Variants in STOX1 observed in about 807,000 individuals in gnomAD.
STOX1 encodes the protein storkhead-box protein 1.
Under a neutral mutation model 74.8 loss-of-function variants are expected in STOX1, and 57 were observed. The ratio of observed to expected loss-of-function variants is 0.76; its 90% CI spans 0.62 to 0.95. The LOEUF (loss-of-function observed/expected upper bound fraction) is 0.95, where lower values mean the gene tolerates loss of function less well. STOX1 is among the 40% of genes least tolerant of loss of function. The pLI is 0.00. For missense variants in STOX1, 1,010 were observed against 1,117.0 expected (o/e 0.90, Z 1.37); for synonymous variants, 375 against 401.3 (o/e 0.93, Z 0.78).
intron 1 of STOX1, among the ~76,000 whole-genome samples, chr10:68,846,119 T>TTTTTTTTTATTATTATTA (rs1167242930): frequency 1.5e-5 from 2 of 135,848 alleles, no homozygotes; most frequent in Non-Finnish European, 3.2e-5. Flanking sequence ...GCTTGAGGTT[T>TTTTTTTTTATTATTATTA]TTATTATTAT....
intron 1 of STOX1, among the ~76,000 whole-genome samples, chr10:68,856,966 ATCC>A: frequency 6.6e-6 from 1 of 152,168 alleles, no homozygotes; most frequent in Non-Finnish European, 1.5e-5. Context: ...TATTGCTCCA[ATCC>A]TCCTAACCAA....
At chr10:68,873,091 C>G (rs4745967) in intron 1 of STOX1, among the ~76,000 whole-genome samples, 99,531 of 151,568 alleles carry the variant, frequency 0.66, 33,046 homozygotes, top group East Asian at 0.9. Context: ...ATCACTGCAG[C>G]CTTGAACTCC....
At chr10:68,838,026 A>G (rs949299307) in intron 1 of STOX1, among the ~76,000 whole-genome samples, 2 of 148,880 alleles carry the variant, frequency 1.3e-5, no homozygotes, top group African/African-American at 2.5e-5. Flanking sequence ...CCTTTTGGTG[A>G]TGTTGTCAAT....
intron 1 of STOX1, among the ~76,000 whole-genome samples, chr10:68,842,716 T>C (rs1410784350): frequency 7.0e-6 from 1 of 142,702 alleles, no homozygotes; most frequent in South Asian, 2.4e-4. Flanking sequence ...ATTTTTTGTA[T>C]TTTTAGTAGA....
In STOX1 at chr10:68,892,666, A is replaced by C. The variant is rs1841125455; in HGVS notation, c.2900A>C (p.Glu967Ala). Residue 967 changes from glutamate to alanine, a missense_variant, in exon 4 of 4, where the codon GAA becomes GCA. Transcript: ENST00000298596. Reference sequence around the variant, plus strand: ...AGACAGAATTTTCTGCAAAATGTCGAAGGCACAAAGAGCAGTCAACCACTC... The same window carrying C: ...AGACAGAATTTTCTGCAAAATGTCGCAGGCACAAAGAGCAGTCAACCACTC... The part of the protein sequence containing the change: ...KRRQNFLQNV[E>A]GTKSSQPLTS... The C allele has an allele frequency of 1.2e-6, 2 of 1,613,812 alleles. No individual in the cohort carries two copies. Among genetic ancestry groups the C allele is most frequent in the African/African-American group, 2.7e-5 (2 of 74,926 alleles).
chr10:68,828,932 A>C, intron 1 of STOX1: 1 of 984,680 alleles, frequency 1.0e-6, no homozygotes, highest in Non-Finnish European at 1.2e-6. Flanking sequence ...ATAGCTTCTC[A>C]TTTGAGAAAC....
chr10:68,864,819 T>C (rs906256273), intron 1 of STOX1, among the ~76,000 whole-genome samples: 3 of 152,364 alleles, frequency 2.0e-5, no homozygotes, highest in African/African-American at 7.2e-5. Flanking sequence ...GGATCTCCTC[T>C]AAGGATAGAA....
Position 68,853,047 on chromosome 10 carries a change from C to T in STOX1, c.310+25114C>T, listed in dbSNP as rs1397370978. On this transcript the variant is annotated intron_variant, in intron 1 of 3. Coordinates refer to ENST00000298596, the MANE Select transcript of STOX1 (RefSeq NM_152709.5). Reference sequence around the variant, plus strand: ...AAGCGATTCTCCTGCCTCAGCCTCCCGAGTAGCTGGGATTACAGGCATGCG... The same window carrying T: ...AAGCGATTCTCCTGCCTCAGCCTCCTGAGTAGCTGGGATTACAGGCATGCG... 5.9e-5 allele frequency among the ~76,000 whole-genome samples: 9 copies of T among 151,464 alleles called. No homozygotes were observed. In the East Asian group the frequency reaches 1.4e-3, roughly 23 times the overall value.
intron 3 of STOX1, among the ~76,000 whole-genome samples, chr10:68,889,915 G>A (rs776301842): frequency 3.4e-5 from 5 of 148,746 alleles, no homozygotes; most frequent in Non-Finnish European, 7.4e-5. Flanking sequence ...GACTACATGC[G>A]TGAGCCACCA....
Position 68,884,955 on chromosome 10 carries a change from C to T in STOX1, c.1159C>T (p.Gln387Ter). The T allele has an allele frequency of 1.2e-6, 2 of 1,614,036 alleles. No individual in the cohort carries two copies. Among genetic ancestry groups the T allele is most frequent in the Admixed American group, 1.7e-5 (1 of 59,972 alleles). ...TGTCCTAATGCAAAAATACGAAGAA[C>T]AGAAAAAATATAATAGCCAGGGCAC... is the stretch of plus-strand genomic sequence containing the variant. The part of the protein sequence containing the change: ...HTVLMQKYEE[Q>*]KKYNSQGTST... Residue 387 changes from glutamine to a stop codon, truncating the protein, a stop_gained, in exon 3 of 4, where the codon CAG (glutamine) becomes TAG (stop). Coordinates refer to ENST00000298596, the MANE Select transcript of STOX1 (RefSeq NM_152709.5). LOFTEE classifies it high-confidence loss of function.
At chr10:68,891,185 T>C (rs138653410) in intron 3 of STOX1, among the ~76,000 whole-genome samples, 1 of 152,326 alleles carries the variant, frequency 6.6e-6, no homozygotes, top group Non-Finnish European at 1.5e-5. Flanking sequence ...CTAGCTATAA[T>C]TGACAGGCAT....
intron 1 of STOX1, among the ~76,000 whole-genome samples, chr10:68,877,388 G>GT (rs1564584866): frequency 1.3e-5 from 2 of 152,110 alleles, no homozygotes; most frequent in Admixed American, 6.5e-5. Flanking sequence ...AAAAAGTTGT[G>GT]TTTCATACAT....
chr10:68,871,076 G>A lies in STOX1; in HGVS notation c.311-10882G>A, dbSNP rs180768050. Among the ~76,000 whole-genome samples, 1,111 of 152,322 alleles carry A rather than the reference G, an allele frequency of 7.3e-3. 8 individuals are homozygous for A. The highest frequency in any genetic ancestry group is 0.011 in the Non-Finnish European group (737 of 68,030). On this transcript the variant is annotated intron_variant, in intron 1 of 3. Coordinates refer to ENST00000298596, the MANE Select transcript of STOX1 (RefSeq NM_152709.5). ...CATATCCAGGGTGGAAGCCTTGAAG[G>A]GAAAGAGTGTAGGAAAGGGCACTTC...
intron 3 of STOX1, among the ~76,000 whole-genome samples, chr10:68,891,839 TGACA>T (rs1469189647): frequency 6.6e-6 from 1 of 151,420 alleles, no homozygotes; most frequent in Non-Finnish European, 1.5e-5. Context: ...TTTGTGTGTG[TGACA>T]GAGTCTCACT....
At chr10:68,846,282 G>C (rs1179517980) in intron 1 of STOX1, among the ~76,000 whole-genome samples, 1 of 151,896 alleles carries the variant, frequency 6.6e-6, no homozygotes, top group Non-Finnish European at 1.5e-5. Flanking sequence ...GAATAGCTGG[G>C]AGTACAGGCA....
At chr10:68,883,445 C>T (rs1290514126) in intron 2 of STOX1, among the ~76,000 whole-genome samples, 2 of 151,952 alleles carry the variant, frequency 1.3e-5, no homozygotes, top group African/African-American at 4.8e-5. Context: ...CAGGGTCTCA[C>T]TCTGTTGCCC....
chr10:68,869,114 C>T (rs1239239982), intron 1 of STOX1, among the ~76,000 whole-genome samples: 2 of 152,200 alleles, frequency 1.3e-5, no homozygotes, highest in African/African-American at 4.8e-5. Flanking sequence ...CTGGCCCAGG[C>T]AGCCACAGAC....
intron 1 of STOX1, among the ~76,000 whole-genome samples, chr10:68,863,219 G>A (rs1840304076): frequency 6.6e-6 from 1 of 152,104 alleles, no homozygotes; most frequent in South Asian, 2.1e-4. Flanking sequence ...TATAGAAGTG[G>A]TGGAAAAGGT....
intron 1 of STOX1, among the ~76,000 whole-genome samples, chr10:68,877,812 GT>G (rs1840714800): frequency 6.6e-6 from 1 of 151,238 alleles, no homozygotes; most frequent in African/African-American, 2.5e-5. Flanking sequence ...TGGGTATTAT[GT>G]GGCTAAGGAA....
Sources: allele counts gnomAD v4.1 joint callset (sites outside exome capture counted in the v4.1 genomes callset), GRCh38; gene constraint gnomAD v4.1.1; transcripts MANE v1.5; gene names NCBI Gene and HGNC (gene_info 2026-07-23, HGNC 2026-07-21).